TSC22D1: variants seen among roughly 807,000 people sequenced by gnomAD.
The protein encoded by TSC22D1 is TSC22 domain family protein 1.
TSC22D1 carries 9 observed loss-of-function variants against 74.2 expected under a neutral mutation model. That is an observed-to-expected ratio of 0.12 (90% CI 0.07 to 0.21). The LOEUF (loss-of-function observed/expected upper bound fraction) is 0.21. TSC22D1 is among the 10% of genes least tolerant of loss of function. TSC22D1 has a pLI of 1.00. For synonymous variants in TSC22D1, 586 were observed against 492.5 expected (o/e 1.19, Z -2.51); for missense variants, 1,427 against 1,304.7 (o/e 1.09, Z -1.44).
At chr13:44,517,898 C>T (rs1395256483) in intron 1 of TSC22D1, among the ~76,000 whole-genome samples, 3 of 120,722 alleles carry the variant, frequency 2.5e-5, no homozygotes, top group African/African-American at 9.5e-5. Context: ...CTCACTGAGC[C>T]GAGGCTGAGT....
At chr13:44,491,414 C>T (rs760129165) in intron 1 of TSC22D1, among the ~76,000 whole-genome samples, 1 of 151,752 alleles carries the variant, frequency 6.6e-6, no homozygotes, top group South Asian at 2.1e-4. Flanking sequence ...ATTAGCTGGA[C>T]GTAGTGGTAG....
intron 1 of TSC22D1, among the ~76,000 whole-genome samples, chr13:44,550,133 T>A (rs886563731): frequency 6.6e-6 from 1 of 152,150 alleles, no homozygotes; most frequent in Non-Finnish European, 1.5e-5. Flanking sequence ...ATTAACAATT[T>A]TAAAAATATG....
At chr13:44,536,276 A>T (rs1881125939) in intron 1 of TSC22D1, among the ~76,000 whole-genome samples, 1 of 151,896 alleles carries the variant, frequency 6.6e-6, no homozygotes, top group Admixed American at 6.6e-5. Flanking sequence ...CTAGGACCCC[A>T]TCTTAATGTT....
At chr13:44,436,616 A>G in intron 1 of TSC22D1, 4 of 1,604,578 alleles carry the variant, frequency 2.5e-6, no homozygotes, top group East Asian at 2.2e-5. Context: ...GGTCTACACC[A>G]TTGGGATTTC....
chr13:44,434,097 T>C lies in TSC22D1; in HGVS notation c.*529A>G. The C allele has an allele frequency of 6.6e-7, 1 of 1,504,682 alleles. No individual in the cohort carries two copies. Among genetic ancestry groups the C allele is most frequent in the Non-Finnish European group, 8.8e-7 (1 of 1,139,290 alleles). 93.2% of individuals were successfully genotyped at this position (1,504,682 alleles called of 1,614,324 possible). A position where few individuals can be genotyped will look rare whatever the true frequency, so the allele number is the denominator to read the frequency against. On this transcript the variant is annotated 3_prime_UTR_variant, in exon 3 of 3. Coordinates refer to ENST00000458659, the MANE Select transcript of TSC22D1 (RefSeq NM_183422.4). ...GTTTGAGAAGAAAGAGGCACAGTAC[T>C]ATTGTTTTTTATGAATTTTGGTGAC...
intron 1 of TSC22D1, among the ~76,000 whole-genome samples, chr13:44,486,209 A>G (rs1595110977): frequency 1.3e-5 from 2 of 151,960 alleles, no homozygotes; most frequent in African/African-American, 2.4e-5. Flanking sequence ...TTTAAATGTC[A>G]CCCCCACAAA....
intron 1 of TSC22D1, chr13:44,537,115 GA>G: frequency 1.1e-6 from 1 of 912,472 alleles, no homozygotes; most frequent in African/African-American, 1.8e-5. Flanking sequence ...TTTTCATGGA[GA>G]AAATATTTAT....
Position 44,573,191 on chromosome 13 carries a change from T to G in TSC22D1, c.2884A>C (p.Thr962Pro), listed in dbSNP as rs1471556271. The change falls in exon 1 of 3, where the codon ACA (threonine) becomes CCA (proline). Residue 962 changes from threonine (T) to proline (P), a missense_variant. By Grantham distance (38) the Thr-to-Pro change is conservative (BLOSUM62 -1). Around this residue, in one of 3 missense-constraint regions of TSC22D1, gnomAD observed 1,343 missense variants for 1,191.5 expected, o/e 1.13. Transcript: ENST00000458659. ...LFPLKVLPLT[T>P]PLVDGEDESS... ...TCATCCTCGCCATCCACCAGGGGTG[T>G]CGTCAGCGGTAGCACCTTCAACGGG... 6.2e-7 allele frequency: 1 copy of G among 1,614,020 alleles called. No homozygotes were observed. Among genetic ancestry groups the G allele is most frequent in the Non-Finnish European group, 8.5e-7 (1 of 1,180,022 alleles).
In TSC22D1 at chr13:44,434,276, G is replaced by GGA; in HGVS notation, c.*348_*349dup. 7.2e-7 allele frequency: 1 copy of GGA among 1,388,682 alleles called. No homozygotes were observed. The highest frequency in any genetic ancestry group is 9.2e-7 in the Non-Finnish European group (1 of 1,082,426). The allele number at this position is 1,388,682 out of a possible 1,614,324, so 86.0% of individuals were successfully genotyped here. A position where few individuals can be genotyped will look rare whatever the true frequency, so the allele number is the denominator to read the frequency against. ...CCATGTAGGACACTAAGCGCAAGCA[G>GGA]GAGAGAGAACCCTTGGAAGTGAGGG... On this transcript the variant is annotated 3_prime_UTR_variant, in exon 3 of 3. Coordinates refer to ENST00000458659, the MANE Select transcript of TSC22D1 (RefSeq NM_183422.4).
chr13:44,444,597 G>A (rs768076258), intron 1 of TSC22D1, among the ~76,000 whole-genome samples: 1 of 151,880 alleles, frequency 6.6e-6, no homozygotes, highest in Non-Finnish European at 1.5e-5. Context: ...AATGATAAAA[G>A]GTCGATTTTA....
chr13:44,499,663 A>T (rs1305254561), intron 1 of TSC22D1, among the ~76,000 whole-genome samples: 1 of 152,192 alleles, frequency 6.6e-6, no homozygotes, highest in African/African-American at 2.4e-5. Context: ...AATTCCCAGA[A>T]AAGACCTCGG....
Position 44,537,799 on chromosome 13 carries a change from T to C in TSC22D1, c.2912+35364A>G, listed in dbSNP as rs572720481. Reference sequence around the variant, plus strand: ...ATAATTAATGAGAAAAAAATACAGATAGCCAAGAAAGACTAAGTGCAGGTT... The same window carrying C: ...ATAATTAATGAGAAAAAAATACAGACAGCCAAGAAAGACTAAGTGCAGGTT... On this transcript the variant is annotated intron_variant, in intron 1 of 2. Transcript: ENST00000458659. 1.3e-5 allele frequency: 13 copies of C among 984,248 alleles called. No individual in the cohort carries two copies. In the South Asian group the frequency reaches 4.2e-4, roughly 32 times the overall value. 61.0% of individuals were successfully genotyped at this position (984,248 alleles called of 1,614,324 possible).
intron 1 of TSC22D1, among the ~76,000 whole-genome samples, chr13:44,558,122 T>TA (rs1882807927): frequency 6.6e-6 from 1 of 152,182 alleles, no homozygotes; most frequent in South Asian, 2.1e-4. Flanking sequence ...CTCAATAGGC[T>TA]AACGACTGCT....
At chr13:44,492,161 T>C (rs1272589666) in intron 1 of TSC22D1, among the ~76,000 whole-genome samples, 2 of 149,360 alleles carry the variant, frequency 1.3e-5, no homozygotes, top group East Asian at 3.8e-4. Context: ...CCATCATATG[T>C]TAAAAATACT....
intron 1 of TSC22D1, among the ~76,000 whole-genome samples, chr13:44,532,887 T>C (rs1880929986): frequency 6.6e-6 from 1 of 152,084 alleles, no homozygotes; most frequent in Non-Finnish European, 1.5e-5. Flanking sequence ...AATTAATAGC[T>C]ATCTTGAAGG....
At chr13:44,524,279 A>C (rs1880449334) in intron 1 of TSC22D1, among the ~76,000 whole-genome samples, 1 of 152,110 alleles carries the variant, frequency 6.6e-6, no homozygotes, top group Non-Finnish European at 1.5e-5. Context: ...ACAACAGAAA[A>C]AAAAAAAAAC....
rs189584097 is a variant in TSC22D1, at chr13:44,470,436, T to A, written c.2913-34341A>T. On this transcript the variant is annotated intron_variant, in intron 1 of 2. Transcript: ENST00000458659. ...GAAAATAGATTCGCGTCTGGCCACA[T>A]CCTTTATAATTATTATTATCTCATT... 3.9e-5 allele frequency among the ~76,000 whole-genome samples: 6 copies of A among 152,310 alleles called. No homozygotes were observed. In the East Asian group the frequency reaches 9.6e-4, roughly 24 times the overall value.
chr13:44,471,928 C>T (rs1049304071), intron 1 of TSC22D1, among the ~76,000 whole-genome samples: 25 of 152,192 alleles, frequency 1.6e-4, no homozygotes, highest in African/African-American at 5.6e-4. Flanking sequence ...TCCAGCAGAT[C>T]CACATTGTAT....
chr13:44,459,883 C>T (rs557311214), intron 1 of TSC22D1, among the ~76,000 whole-genome samples: 10 of 152,194 alleles, frequency 6.6e-5, no homozygotes, highest in Non-Finnish European at 1.3e-4. Context: ...CACCCCTTGC[C>T]ACTGACCCTT....
Sources: gnomAD v4.1 joint callset for allele counts (sites outside exome capture counted in the v4.1 genomes callset) on GRCh38, gnomAD v4.1.1 for gene constraint, gnomAD v4.1.1 regional missense constraint, MANE v1.5 for transcripts, NCBI Gene and HGNC (gene_info 2026-07-23, HGNC 2026-07-21) for gene names.